MICU1: variants seen among roughly 807,000 people sequenced by gnomAD.
MICU1 encodes mitochondrial calcium uptake 1, also known as calcium uptake protein 1, mitochondrial.
A neutral mutation model predicts 56.8 loss-of-function variants in MICU1; 45 were observed. That is an observed-to-expected ratio of 0.79 (90% confidence interval 0.62 to 1.02). The LOEUF (loss-of-function observed/expected upper bound fraction) is 1.02, where lower values mean the gene tolerates loss of function less well. MICU1 is among the 50% of genes least tolerant of loss of function. MICU1 has a pLI of 0.00. For synonymous variants in MICU1, 186 were observed against 195.1 expected, an observed-to-expected ratio of 0.95 and a Z score of 0.39; for missense variants, 504 against 587.1, an observed-to-expected ratio of 0.86 and a Z score of 1.46.
intron 8 of MICU1, among the ~76,000 whole-genome samples, chr10:72,437,695 G>A (rs1185932130): frequency 6.6e-6 from 1 of 152,130 alleles, no homozygotes; most frequent in East Asian, 1.9e-4. Flanking sequence ...ATAAAGGGAT[G>A]GAGGAAGATC....
At chr10:72,458,199 C>A (rs1204657118) in intron 8 of MICU1, among the ~76,000 whole-genome samples, 4 of 151,376 alleles carry the variant, frequency 2.6e-5, no homozygotes, top group Non-Finnish European at 5.9e-5. Flanking sequence ...AAAAGCATTT[C>A]TATATTGGAA....
At chr10:72,432,617 A>T (rs1331089443) in intron 8 of MICU1, among the ~76,000 whole-genome samples, 3 of 152,208 alleles carry the variant, frequency 2.0e-5, no homozygotes, top group African/African-American at 7.2e-5. Context: ...GGGAGCAGGC[A>T]TATTACATGG....
chr10:72,547,170 GGT>G (rs1839916525), intron 4 of MICU1, among the ~76,000 whole-genome samples: 1 of 152,006 alleles, frequency 6.6e-6, no homozygotes, highest in South Asian at 2.1e-4. Flanking sequence ...TGGGATTACA[GGT>G]GTGAGCCACC....
chr10:72,461,420 G>C (rs920924832), intron 8 of MICU1, among the ~76,000 whole-genome samples: 3 of 152,192 alleles, frequency 2.0e-5, no homozygotes, highest in African/African-American at 7.2e-5. Context: ...TGAGAAAACT[G>C]AGCAGTCCCC....
At chr10:72,447,536 G>A (rs1267089189) in intron 8 of MICU1, among the ~76,000 whole-genome samples, 2 of 152,008 alleles carry the variant, frequency 1.3e-5, no homozygotes, top group Non-Finnish European at 2.9e-5. Context: ...GAAAACCTAG[G>A]TAAGCAATTA....
intron 7 of MICU1, among the ~76,000 whole-genome samples, chr10:72,476,910 G>A (rs946922658): frequency 3.3e-5 from 5 of 152,150 alleles, no homozygotes; most frequent in Admixed American, 6.5e-5. Context: ...CCAGCTAGAG[G>A]CATTATAACC....
At chr10:72,622,226 A>G (rs1364167560) in intron 1 of MICU1, among the ~76,000 whole-genome samples, 4 of 145,030 alleles carry the variant, frequency 2.8e-5, no homozygotes, top group East Asian at 3.9e-4. Flanking sequence ...CCCGGCCCCA[A>G]GTTCTCTTAA....
intron 4 of MICU1, among the ~76,000 whole-genome samples, chr10:72,549,402 G>T (rs1448458141): frequency 3.3e-5 from 5 of 151,734 alleles, no homozygotes; most frequent in African/African-American, 1.2e-4. Context: ...TGTTGCCCAG[G>T]CTGGTCCTCA....
intron 8 of MICU1, among the ~76,000 whole-genome samples, chr10:72,429,276 C>T (rs1202604109): frequency 6.6e-6 from 1 of 151,486 alleles, no homozygotes; most frequent in Non-Finnish European, 1.5e-5. Flanking sequence ...AAAAATTAGC[C>T]GGGTCTGGTG....
chr10:72,460,781 C>T (rs566076907), intron 8 of MICU1, among the ~76,000 whole-genome samples: 41 of 151,768 alleles, frequency 2.7e-4, no homozygotes, highest in Admixed American at 9.2e-4. Flanking sequence ...AAATATTTTT[C>T]TTCTAAGAAA....
intron 11 of MICU1, among the ~76,000 whole-genome samples, chr10:72,370,025 C>T (rs1289844429): frequency 3.3e-5 from 5 of 152,250 alleles, no homozygotes; most frequent in Non-Finnish European, 7.4e-5. Flanking sequence ...CACAGGCACC[C>T]GCCATCATGC....
chr10:72,617,912 T>C (rs1842019798), intron 1 of MICU1, among the ~76,000 whole-genome samples: 1 of 152,194 alleles, frequency 6.6e-6, no homozygotes, highest in South Asian at 2.1e-4. Flanking sequence ...ACGCCTGTAA[T>C]CCTTGCACTT....
At chr10:72,490,266 G>C (rs878892069) in intron 6 of MICU1, among the ~76,000 whole-genome samples, 2 of 151,982 alleles carry the variant, frequency 1.3e-5, no homozygotes, top group Admixed American at 1.3e-4. Context: ...TTTATTACTT[G>C]CTGAACAAGA....
intron 8 of MICU1, among the ~76,000 whole-genome samples, chr10:72,450,996 G>T (rs149163667): frequency 6.7e-6 from 1 of 149,314 alleles, no homozygotes; most frequent in African/African-American, 2.5e-5. Flanking sequence ...GATTACAGGC[G>T]TGAGCTACTG....
intron 8 of MICU1, among the ~76,000 whole-genome samples, chr10:72,465,157 C>T (rs563543079): frequency 2.2e-4 from 33 of 152,202 alleles, no homozygotes; most frequent in Admixed American, 1.4e-3. Flanking sequence ...TGCACCACTA[C>T]GCCTGGCTAA....
intron 5 of MICU1, among the ~76,000 whole-genome samples, chr10:72,529,693 C>T (rs1177444114): frequency 6.6e-6 from 1 of 151,906 alleles, no homozygotes; most frequent in African/African-American, 2.4e-5. Flanking sequence ...CTACAAACCA[C>T]TTGAAATAAA....
intron 1 of MICU1, among the ~76,000 whole-genome samples, chr10:72,587,868 CTTCT>C (rs1398272603): frequency 1.3e-5 from 2 of 152,098 alleles, no homozygotes; most frequent in Non-Finnish European, 2.9e-5. Context: ...CTCTAAGCCA[CTTCT>C]TTGAGAGAAA....
chr10:72,418,394 GC>G (rs2132126362), intron 9 of MICU1, among the ~76,000 whole-genome samples: 2 of 152,276 alleles, frequency 1.3e-5, no homozygotes, highest in East Asian at 3.9e-4. Context: ...TAGTAGAGAA[GC>G]ACTGCTTTAC....
chr10:72,455,109 G>C (rs920493869), intron 8 of MICU1, among the ~76,000 whole-genome samples: 1 of 152,012 alleles, frequency 6.6e-6, no homozygotes, highest in Non-Finnish European at 1.5e-5. Context: ...CAGCAGTTTG[G>C]GAGGCCGAGG....
Sources: gnomAD v4.1 joint callset for allele counts (sites outside exome capture counted in the v4.1 genomes callset) on GRCh38, gnomAD v4.1.1 for gene constraint, MANE v1.5 for transcripts, NCBI Gene and HGNC (gene_info 2026-07-23, HGNC 2026-07-21) for gene names.